Variants in CDKAL1 observed in about 807,000 individuals in gnomAD.
The protein encoded by CDKAL1 is CDKAL1 threonylcarbamoyladenosine tRNA methylthiotransferase.
In CDKAL1, 32 loss-of-function variants were observed where a neutral mutation model predicts 68.2. The ratio of observed to expected loss-of-function variants is 0.47; its 90% CI spans 0.35 to 0.63. The LOEUF is 0.63. Among genes scored for constraint, CDKAL1 ranks in the 30% least tolerant of loss-of-function variants. The probability of loss-of-function intolerance (pLI) is 0.00; values close to 1 mark genes in which losing one functional copy is unlikely to be tolerated. For synonymous variants in CDKAL1, 234 were observed against 244.3 expected, an observed-to-expected ratio of 0.96 and a Z score of 0.39; for missense variants, 606 against 696.7, an observed-to-expected ratio of 0.87 and a Z score of 1.47.
intron 13 of CDKAL1, among the ~76,000 whole-genome samples, chr6:21,153,159 T>C (rs990116059): frequency 6.6e-6 from 1 of 151,958 alleles, no homozygotes; most frequent in Non-Finnish European, 1.5e-5. Flanking sequence ...TTTTTTCTAA[T>C]AGTGTTTTGA....
At chr6:21,138,301 CACAG>C (rs1285595790) in intron 13 of CDKAL1, among the ~76,000 whole-genome samples, 1 of 152,046 alleles carries the variant, frequency 6.6e-6, no homozygotes, top group Non-Finnish European at 1.5e-5. Flanking sequence ...TAATTTCAAC[CACAG>C]ACAACCATAA....
At chr6:20,565,572 C>G (rs1163790185) in intron 4 of CDKAL1, among the ~76,000 whole-genome samples, 1 of 152,080 alleles carries the variant, frequency 6.6e-6, no homozygotes, top group Non-Finnish European at 1.5e-5. Context: ...GTTCACTCTT[C>G]TAGCAGGGTT....
At chr6:20,725,224 G>A (rs1343378554) in intron 5 of CDKAL1, among the ~76,000 whole-genome samples, 1 of 151,990 alleles carries the variant, frequency 6.6e-6, no homozygotes, top group Non-Finnish European at 1.5e-5. Flanking sequence ...TTGATCTTAG[G>A]GGAGGTGAAC....
At chr6:21,063,116 T>C (rs1250090656) in intron 11 of CDKAL1, among the ~76,000 whole-genome samples, 1 of 152,146 alleles carries the variant, frequency 6.6e-6, no homozygotes, top group Non-Finnish European at 1.5e-5. Context: ...GGTTTCACCA[T>C]GTTGGCCAGG....
At chr6:20,896,535 T>C (rs987890662) in intron 9 of CDKAL1, among the ~76,000 whole-genome samples, 14 of 152,352 alleles carry the variant, frequency 9.2e-5, no homozygotes, top group Middle Eastern at 3.4e-3. Context: ...TTTCTGTAAT[T>C]GCTTAAATGA....
At chr6:20,668,682 A>G (rs1769665764) in intron 5 of CDKAL1, among the ~76,000 whole-genome samples, 1 of 152,230 alleles carries the variant, frequency 6.6e-6, no homozygotes, top group African/African-American at 2.4e-5. Flanking sequence ...TGATGCAGTG[A>G]TCAAACCAGA....
intron 8 of CDKAL1, among the ~76,000 whole-genome samples, chr6:20,826,614 G>A (rs1350619971): frequency 6.6e-6 from 1 of 152,100 alleles, no homozygotes; most frequent in South Asian, 2.1e-4. Context: ...GGTGGTTTGT[G>A]TTTTGCTGCG....
chr6:20,550,838 G>A (rs1561918652), intron 4 of CDKAL1, among the ~76,000 whole-genome samples: 1 of 145,720 alleles, frequency 6.9e-6, no homozygotes, highest in Non-Finnish European at 1.5e-5. Flanking sequence ...CTACTTTACA[G>A]TTGAGAAAGG....
chr6:21,228,697 AGAGAT>A (rs1174081968), intron 15 of CDKAL1, among the ~76,000 whole-genome samples: 2 of 152,218 alleles, frequency 1.3e-5, no homozygotes, highest in African/African-American at 4.8e-5. Context: ...CCAAGATTTC[AGAGAT>A]GAATTAGGCA....
chr6:20,954,505 C>T (rs953591673), intron 9 of CDKAL1, among the ~76,000 whole-genome samples: 1 of 152,150 alleles, frequency 6.6e-6, no homozygotes, highest in South Asian at 2.1e-4. Context: ...ATTTCACAGG[C>T]TCCCTTCATT....
Position 20,902,339 on chromosome 6 carries a change from ACACACACACACACACACAC to A in CDKAL1, c.743-53079_743-53061del, listed in dbSNP as rs1561870861. Among the ~76,000 whole-genome samples the A allele has an allele frequency of 1.3e-3, 192 of 151,004 alleles. 3 individuals carry two copies. Among genetic ancestry groups the A allele is most frequent in the African/African-American group, 4.3e-3 (175 of 40,928 alleles). On this transcript the variant is annotated intron_variant, in intron 9 of 15. Coordinates refer to ENST00000274695, the MANE Select transcript of CDKAL1 (RefSeq NM_017774.3). ...CACACACACACACACACACACACACACACACACACACACACACACAATGTGTTTATTGGGCCTTTAATAA... is the reference window on the plus strand; with the variant it reads ...CACACACACACACACACACACACACAAATGTGTTTATTGGGCCTTTAATAA...
At chr6:20,961,508 C>T (rs1165497095) in intron 10 of CDKAL1, among the ~76,000 whole-genome samples, 3 of 152,186 alleles carry the variant, frequency 2.0e-5, no homozygotes, top group African/African-American at 7.2e-5. Flanking sequence ...TGGCTCACGC[C>T]TGTAATCCCA....
At chr6:20,693,462 G>A (rs890917849) in intron 5 of CDKAL1, among the ~76,000 whole-genome samples, 41 of 146,382 alleles carry the variant, frequency 2.8e-4, no homozygotes, top group African/African-American at 9.6e-4. Flanking sequence ...GACTTTTTGT[G>A]TGCATTTTAT....
At chr6:20,599,078 A>G (rs1401118920) in intron 4 of CDKAL1, among the ~76,000 whole-genome samples, 2 of 152,068 alleles carry the variant, frequency 1.3e-5, no homozygotes, top group African/African-American at 4.8e-5. Context: ...TACCCAAAAT[A>G]TAAAGGCAAA....
Position 20,988,816 on chromosome 6 carries a change from A to ATTTT in CDKAL1, c.910-11406_910-11403dup, listed in dbSNP as rs35010661. 6.6e-3 allele frequency among the ~76,000 whole-genome samples: 940 copies of ATTTT among 143,500 alleles called. 14 individuals are homozygous for ATTTT. Among genetic ancestry groups the ATTTT allele is most frequent in the African/African-American group, 0.023 (877 of 38,664 alleles). 94.1% of individuals were successfully genotyped at this position (143,500 alleles called of 152,430 possible). A position where few individuals can be genotyped will look rare whatever the true frequency, so the allele number is the denominator to read the frequency against. On this transcript the variant is annotated intron_variant, in intron 10 of 15. Transcript: ENST00000274695. Reference sequence around the variant, plus strand: ...AGGCACGCACCACCACTCCCAGTTAATTTTTTTTCTTTTTTGTATTTTTAG... The same window carrying ATTTT: ...AGGCACGCACCACCACTCCCAGTTAATTTTTTTTTTTTCTTTTTTGTATTTTTAG...
chr6:20,860,592 A>C (rs1759560842), intron 9 of CDKAL1, among the ~76,000 whole-genome samples: 1 of 152,076 alleles, frequency 6.6e-6, no homozygotes, highest in African/African-American at 2.4e-5. Flanking sequence ...TGGGAGGCCA[A>C]GTGGGGGCAG....
intron 5 of CDKAL1, among the ~76,000 whole-genome samples, chr6:20,697,361 G>T (rs17824500): frequency 0.037 from 5,605 of 152,150 alleles, 111 homozygotes; most frequent in Middle Eastern, 0.078. Context: ...CAAGGAAATT[G>T]TATCTCCTAC....
intron 9 of CDKAL1, among the ~76,000 whole-genome samples, chr6:20,888,351 A>C (rs891984446): frequency 9.3e-6 from 1 of 107,236 alleles, no homozygotes; most frequent in Admixed American, 1.0e-4. Flanking sequence ...TATATGTGCC[A>C]CATCTTCTTT....
At chr6:20,900,052 A>G (rs1263488991) in intron 9 of CDKAL1, among the ~76,000 whole-genome samples, 2 of 152,172 alleles carry the variant, frequency 1.3e-5, no homozygotes, top group Admixed American at 6.5e-5. Context: ...TGTTCTTACT[A>G]TTGTAGGGAA....
Sources: allele counts gnomAD v4.1 joint callset (sites outside exome capture counted in the v4.1 genomes callset), GRCh38; gene constraint gnomAD v4.1.1; transcripts MANE v1.5; gene names NCBI Gene and HGNC (gene_info 2026-07-23, HGNC 2026-07-21).